Variants in SMYD3 observed in about 807,000 individuals in gnomAD.
SMYD3 encodes the protein SET and MYND domain containing 3, also known as histone-lysine N-methyltransferase SMYD3.
SMYD3 carries 36 observed loss-of-function variants against 57.7 expected under a neutral mutation model. The observed-to-expected ratio is 0.62, with a 90% confidence interval of 0.48 to 0.82. The LOEUF is 0.82. Ranked by LOEUF, SMYD3 falls within the 40% of genes least tolerant of loss-of-function variation. The pLI is 0.00. For synonymous variants in SMYD3, 211 were observed against 195.0 expected (o/e 1.08, Z -0.68); for missense variants, 515 against 538.8 (o/e 0.96, Z 0.44).
intron 1 of SMYD3, among the ~76,000 whole-genome samples, chr1:246,372,701 T>C (rs757310530): frequency 2.0e-5 from 3 of 152,206 alleles, no homozygotes; most frequent in Non-Finnish European, 4.4e-5. Flanking sequence ...CGAAACCCCA[T>C]CTCTACTGGC....
chr1:246,002,383 A>C (rs190727767), intron 5 of SMYD3, among the ~76,000 whole-genome samples: 712 of 56,490 alleles, frequency 0.013, 168 homozygotes, highest in African/African-American at 0.036. Flanking sequence ...ACGGGGTTTC[A>C]CCGTGTTAGC....
At chr1:246,166,700 A>G (rs896403895) in intron 5 of SMYD3, among the ~76,000 whole-genome samples, 1 of 152,220 alleles carries the variant, frequency 6.6e-6, no homozygotes, top group Non-Finnish European at 1.5e-5. Context: ...GCCCAATAAC[A>G]TGCAAATATG....
chr1:245,816,651 T>C (rs2048819967), intron 10 of SMYD3, among the ~76,000 whole-genome samples: 2 of 151,546 alleles, frequency 1.3e-5, no homozygotes, highest in South Asian at 4.2e-4. Context: ...TTCATCTCAC[T>C]AGGGAGTGCC....
At chr1:246,066,142 C>T (rs1360659973) in intron 5 of SMYD3, among the ~76,000 whole-genome samples, 1 of 152,190 alleles carries the variant, frequency 6.6e-6, no homozygotes, top group Non-Finnish European at 1.5e-5. Context: ...AAAGTTATTA[C>T]TAGGCCCTAC....
rs1320287351 is a variant in SMYD3, at chr1:246,203,510, C to T, written c.531+123691G>A. Among the ~76,000 whole-genome samples, 1 of 152,192 alleles carries T rather than the reference C, an allele frequency of 6.6e-6. No individual in the cohort carries two copies. The highest frequency in any genetic ancestry group is 2.4e-5 in the African/African-American group (1 of 41,460). On this transcript the variant is annotated intron_variant, in intron 5 of 11. Coordinates refer to ENST00000490107, the MANE Select transcript of SMYD3 (RefSeq NM_001167740.2). The surrounding 1 kb of genome is among the most constrained non-coding windows in gnomAD (Gnocchi z 4.6). ...ATCTATAGGTTTGGTTTCCTCCGAGCCCTCTCTGGCTGGAGGAGCCACTGT... is the reference window on the plus strand; with the variant it reads ...ATCTATAGGTTTGGTTTCCTCCGAGTCCTCTCTGGCTGGAGGAGCCACTGT...
chr1:245,966,725 C>T (rs2058158905), intron 5 of SMYD3, among the ~76,000 whole-genome samples: 1 of 152,222 alleles, frequency 6.6e-6, no homozygotes, highest in South Asian at 2.1e-4. Context: ...TTCCTTTCTA[C>T]CCCCAACCTC....
At chr1:245,813,032 TGAGACG>T (rs1212584084) in intron 10 of SMYD3, among the ~76,000 whole-genome samples, 8 of 127,902 alleles carry the variant, frequency 6.3e-5, no homozygotes, top group South Asian at 2.6e-4. Flanking sequence ...TTTTTTTTTT[TGAGACG>T]GAGTCTCGCT....
rs549121406 is a variant in SMYD3 at position 245,985,912 on chromosome 1, C to T, written c.532-55975G>A. 7.2e-5 allele frequency among the ~76,000 whole-genome samples: 11 copies of T among 152,252 alleles called. No individual in the cohort carries two copies. The South Asian group carries it at 1.9e-3, about 26-fold the overall frequency. ...AACCTGCCTCCATTACAGCAATTAC[C>T]TGTTTCCAAGCCTAACACTGCGCCA... On this transcript the variant is annotated intron_variant, in intron 5 of 11. Coordinates refer to ENST00000490107, the MANE Select transcript of SMYD3 (RefSeq NM_001167740.2).
At chr1:246,241,815 T>A (rs1209308022) in intron 5 of SMYD3, among the ~76,000 whole-genome samples, 1 of 152,204 alleles carries the variant, frequency 6.6e-6, no homozygotes, top group African/African-American at 2.4e-5. Context: ...CCTGGTTTAG[T>A]CTTGGGAGAG....
At chr1:246,150,919 G>A (rs2061931417) in intron 5 of SMYD3, among the ~76,000 whole-genome samples, 3 of 152,190 alleles carry the variant, frequency 2.0e-5, no homozygotes, top group African/African-American at 7.2e-5. Flanking sequence ...GCTGGCTCCA[G>A]GTTGAAATGA....
At chr1:246,105,779 C>T (rs2061107118) in intron 5 of SMYD3, among the ~76,000 whole-genome samples, 1 of 152,192 alleles carries the variant, frequency 6.6e-6, no homozygotes, top group Admixed American at 6.5e-5. Flanking sequence ...AAGTAATGGG[C>T]TTTCCACGGT....
At chr1:246,254,029 T>C (rs973625835) in intron 5 of SMYD3, among the ~76,000 whole-genome samples, 3 of 152,156 alleles carry the variant, frequency 2.0e-5, no homozygotes, top group African/African-American at 7.2e-5. Flanking sequence ...TTTTTACTTC[T>C]TAATAATAGG....
intron 5 of SMYD3, among the ~76,000 whole-genome samples, chr1:246,121,332 C>T (rs6426279): frequency 0.55 from 83,063 of 150,180 alleles, 24,648 homozygotes; most frequent in Non-Finnish European, 0.68. Flanking sequence ...AACTGATGGT[C>T]GGTCCTCTCT....
chr1:246,155,823 T>TA (rs748839277), intron 5 of SMYD3, among the ~76,000 whole-genome samples: 2 of 151,326 alleles, frequency 1.3e-5, no homozygotes, highest in Admixed American at 6.6e-5. Context: ...CTACTAAAAA[T>TA]AAAAAATAAA....
chr1:246,189,384 CG>C (rs2062696899), intron 5 of SMYD3, among the ~76,000 whole-genome samples: 1 of 152,148 alleles, frequency 6.6e-6, no homozygotes, highest in African/African-American at 2.4e-5. Context: ...ACGCAAGTGT[CG>C]GTAACAGTTA....
intron 1 of SMYD3, among the ~76,000 whole-genome samples, chr1:246,417,029 C>A (rs1424500637): frequency 1.3e-5 from 2 of 152,154 alleles, no homozygotes; most frequent in African/African-American, 2.4e-5. Context: ...TGAGACATTA[C>A]CCGAGAGACT....
At chr1:246,385,655 C>A (rs1376042200) in intron 1 of SMYD3, among the ~76,000 whole-genome samples, 1 of 152,198 alleles carries the variant, frequency 6.6e-6, no homozygotes, top group African/African-American at 2.4e-5. Context: ...GCCCTCCAAA[C>A]TGTGCATTAT....
At chr1:245,920,269 T>TGA (rs2055807019) in intron 7 of SMYD3, among the ~76,000 whole-genome samples, 1 of 136,222 alleles carries the variant, frequency 7.3e-6, no homozygotes, top group Non-Finnish European at 1.5e-5. Flanking sequence ...GACGAGATCA[T>TGA]GCCACTGCAC....
chr1:245,959,768 G>T (rs995802201), intron 5 of SMYD3, among the ~76,000 whole-genome samples: 1 of 152,060 alleles, frequency 6.6e-6, no homozygotes, highest in Non-Finnish European at 1.5e-5. Flanking sequence ...TAGTTCACTG[G>T]ACAACATCAC....
Sources: gnomAD v4.1 joint callset for allele counts (sites outside exome capture counted in the v4.1 genomes callset) on GRCh38, gnomAD v4.1.1 for gene constraint, Gnocchi (gnomAD v3.1) non-coding constraint, MANE v1.5 for transcripts, NCBI Gene and HGNC (gene_info 2026-07-23, HGNC 2026-07-21) for gene names.